Variants in ADCY4 observed in about 807,000 individuals in gnomAD.
ADCY4 encodes adenylate cyclase type 4.
ADCY4 carries 111 observed loss-of-function variants against 125.5 expected under a neutral mutation model. The observed-to-expected ratio is 0.88, with a 90% CI of 0.76 to 1.04. ADCY4 has a LOEUF of 1.04. Among genes scored for constraint, ADCY4 ranks in the 50% least tolerant of loss-of-function variants. The pLI, the probability that ADCY4 is intolerant of heterozygous loss-of-function variation, is 0.00. For missense variants in ADCY4, 1,256 were observed against 1,382.9 expected (o/e 0.91, Z 1.46); for synonymous variants, 576 against 586.9 (o/e 0.98, Z 0.27).
intron 17 of ADCY4, 97 bp from the exon 18 acceptor site, chr14:24,323,185 A>C (rs2041883389): frequency 2.4e-5 from 35 of 1,459,388 alleles, no homozygotes; most frequent in Non-Finnish European, 3.3e-5. Context: ...CCCAGGTCCT[A>C]TCTGGGAGAC....
At position 24,325,533 on chromosome 14, in the gene ADCY4, G is replaced by A. The variant is rs981326383; in HGVS notation, c.1726-59C>T. 20 of 1,460,396 alleles carry A rather than the reference G, an allele frequency of 1.4e-5. No individual in the cohort carries two copies. In the South Asian group the frequency reaches 1.9e-4, roughly 14 times the overall value. 90.5% of individuals were successfully genotyped at this position (1,460,396 alleles called of 1,614,324 possible). Reference sequence around the variant, plus strand: ...TCCAGTGCTACCCATCACCTTGAAGGCATCACTCCCAGGCAAGGGGTGGGC... The same window carrying A: ...TCCAGTGCTACCCATCACCTTGAAGACATCACTCCCAGGCAAGGGGTGGGC... On this transcript the variant is annotated intron_variant, in intron 13 of 24. Coordinates refer to ENST00000418030, the MANE Select transcript of ADCY4 (RefSeq NM_001198568.2).
chr14:24,325,576 C>T (rs2041929469), intron 13 of ADCY4, 102 bp from the exon 14 acceptor site: 3 of 1,087,632 alleles, frequency 2.8e-6, no homozygotes, highest in Non-Finnish European at 4.0e-6. Flanking sequence ...CCTCACCGCC[C>T]AGGCTCCAGT....
Position 24,318,699 on chromosome 14 carries a change from G to A in ADCY4, c.3036C>T (p.Asn1012=), listed in dbSNP as rs751597622. 33 of 1,614,028 alleles carry A rather than the reference G, an allele frequency of 2.0e-5. No individual in the cohort carries two copies. The highest frequency in any genetic ancestry group is 7.7e-5 in the South Asian group (7 of 91,086). ...CTGTACTCTCCATGCGGCTGGCCAC[G>A]TTCACTGTGTTGCCCCAAATGTCAT... ...PQYDIWGNTV[N]VASRMESTGV... is the part of the protein sequence containing the mutation. The change falls in exon 24 of 25, where the codon AAC becomes AAT. Residue 1012 remains asparagine, a synonymous_variant. Transcript: ENST00000418030.
Position 24,332,699 on chromosome 14 carries a change from G to T in ADCY4, c.358-16C>A. On this transcript the variant is annotated splice_polypyrimidine_tract_variant and intron_variant, in intron 2 of 24. Coordinates refer to ENST00000418030, the MANE Select transcript of ADCY4 (RefSeq NM_001198568.2). ...AATAGGACACCTGGGGGCGGGGCGC[G>T]GGAAGCCGAAGGCCCAAGTGGGGCT... 6.3e-7 allele frequency: 1 copy of T among 1,578,616 alleles called. No homozygotes were observed. The highest frequency in any genetic ancestry group is 8.6e-7 in the Non-Finnish European group (1 of 1,161,922).
chr14:24,334,633 G>C lies in ADCY4; in HGVS notation c.20C>G (p.Pro7Arg). The change falls in exon 1 of 25, where the codon CCC becomes CGC. Residue 7 changes from proline to arginine, a missense_variant. Physicochemically the swap from Pro to Arg is moderately radical, Grantham distance 103. Coordinates refer to ENST00000418030, the MANE Select transcript of ADCY4 (RefSeq NM_001198568.2). MARLFS[P>R]RPPPSEDLFY... is the part of the protein sequence containing the mutation. ...GAGGTCTTCGCTGGGGGGCGGCCGGGGGCTGAAGAGGCGGGCCATGATCTC... is the reference window on the plus strand; with the variant it reads ...GAGGTCTTCGCTGGGGGGCGGCCGGCGGCTGAAGAGGCGGGCCATGATCTC... The C allele has an allele frequency of 6.4e-7, 1 of 1,551,890 alleles. No individual in the cohort carries two copies. Among genetic ancestry groups the C allele is most frequent in the Non-Finnish European group, 8.7e-7 (1 of 1,150,718 alleles).
At chr14:24,331,414 T>C in intron 4 of ADCY4, 58 bp from the exon 5 acceptor site, 2 of 1,600,084 alleles carry the variant, frequency 1.2e-6, no homozygotes, top group Non-Finnish European at 8.5e-7. Context: ...GGAGGCCCTG[T>C]CCCCCAAATC....
rs1426351985 is a variant in ADCY4 at position 24,319,851 on chromosome 14, A to G, written c.2624T>C (p.Leu875Pro). The G allele has an allele frequency of 1.2e-6, 2 of 1,614,062 alleles. No homozygotes were observed. Among genetic ancestry groups the G allele is most frequent in the Non-Finnish European group, 1.7e-6 (2 of 1,180,024 alleles). ...YHQSYECVCV[L>P]FASVPDFKEF... Reference sequence around the variant, plus strand: ...CTTGAAGTCTGGGACTGAGGCGAAGAGGACACAAACGCATTCATAGGACTG... The same window carrying G: ...CTTGAAGTCTGGGACTGAGGCGAAGGGGACACAAACGCATTCATAGGACTG... The change falls in exon 21 of 25, where the codon CTC becomes CCC. Residue 875 changes from leucine (L) to proline (P), a missense_variant. Transcript: ENST00000418030. This position sits in a 1 kb window ranked among gnomAD's most constrained non-coding sequence, Gnocchi z 4.5.
intron 20 of ADCY4, among the ~76,000 whole-genome samples, chr14:24,321,247 C>A (rs1173236685): frequency 1.5e-5 from 1 of 67,948 alleles, no homozygotes; most frequent in Admixed American, 1.2e-4. Context: ...CCTGTCTCTA[C>A]TAAAAAAAAA....
chr14:24,323,281 G>C, intron 17 of ADCY4, 63 bp downstream of exon 17: 1 of 1,473,674 alleles, frequency 6.8e-7, no homozygotes, highest in Non-Finnish European at 9.3e-7. Flanking sequence ...CACTCAGGGG[G>C]CTGTGGGCTT....
Position 24,326,086 on chromosome 14 carries a change from A to G in ADCY4, c.1648T>C (p.Ser550Pro). ...KFFQVIEQLN[S>P]QKQWKQSKDF... ...CCTCTTTGTTCTCCGTACTTCTGCG[A>G]GTTGAGCTGCTCAATGACCTGGAAG... is the stretch of plus-strand genomic sequence containing the variant. Residue 550 changes from serine (S) to proline (P), a missense_variant, in exon 12 of 25, where the codon TCG becomes CCG. By Grantham distance (74) the Ser-to-Pro change is moderately conservative. Coordinates refer to ENST00000418030, the MANE Select transcript of ADCY4 (RefSeq NM_001198568.2). 6.3e-7 allele frequency: 1 copy of G among 1,579,186 alleles called. No individual in the cohort carries two copies. Among genetic ancestry groups the G allele is most frequent in the Non-Finnish European group, 8.6e-7 (1 of 1,160,544 alleles).
Position 24,319,328 on chromosome 14 carries a change from C to G in ADCY4, c.2841+1G>C. The G allele has an allele frequency of 6.2e-7, 1 of 1,614,098 alleles. No individual in the cohort carries two copies. The highest frequency in any genetic ancestry group is 8.5e-7 in the Non-Finnish European group (1 of 1,179,984). On this transcript the variant is annotated splice_donor_variant, in intron 22 of 24. Coordinates refer to ENST00000418030, the MANE Select transcript of ADCY4 (RefSeq NM_001198568.2). LOFTEE classifies it high-confidence loss of function. This position sits in a 1 kb window ranked among gnomAD's most constrained non-coding sequence, Gnocchi z 4.5. ...TGGTAGGTAAGGAAGGGTTGCCGTA[C>G]CTGTTGTGCATCCTGTCCAGAGGTG...
intron 8 of ADCY4, 113 bp downstream of exon 8, chr14:24,329,747 C>T: frequency 6.7e-7 from 1 of 1,495,130 alleles, no homozygotes; most frequent in Non-Finnish European, 9.0e-7. Flanking sequence ...CCATATGGGA[C>T]TTATCTTAAG....
chr14:24,323,943 C>T, intron 16 of ADCY4, 119 bp downstream of exon 16: 1 of 1,392,312 alleles, frequency 7.2e-7, no homozygotes, highest in Non-Finnish European at 9.7e-7. Flanking sequence ...ATTTGTACAA[C>T]ATTTCCAGCA....
Position 24,330,254 on chromosome 14 carries a change from G to T in ADCY4, c.972C>A (p.Tyr324Ter), listed in dbSNP as rs2042020490. 1 of 1,614,206 alleles carries T rather than the reference G, an allele frequency of 6.2e-7. No homozygotes were observed. Among genetic ancestry groups the T allele is most frequent in the Non-Finnish European group, 8.5e-7 (1 of 1,180,040 alleles). The change falls in exon 7 of 25, where the codon TAC (tyrosine) becomes TAA (stop). Residue 324 changes from tyrosine (Y) to a stop codon, truncating the protein, a stop_gained. Transcript: ENST00000418030. LOFTEE classifies it high-confidence loss of function. ...AGAGTGGCAGCCCAGAGACACAGTA[G>T]TAACAGTCCCCCAGGATCTTGATCC... is the stretch of plus-strand genomic sequence containing the variant. Reference protein sequence around the residue: ...CMRIKILGDCYYCVSGLPLSL... With the variant: ...CMRIKILGDC
At chr14:24,333,133 T>G in intron 1 of ADCY4, 145 bp from the exon 2 acceptor site, 1 of 719,218 alleles carries the variant, frequency 1.4e-6, no homozygotes, top group Non-Finnish European at 2.1e-6. Flanking sequence ...CACCTCCGCT[T>G]GCCATTCACT....
intron 17 of ADCY4, 37 bp from the exon 18 acceptor site, chr14:24,323,125 C>T: frequency 6.2e-7 from 1 of 1,602,854 alleles, no homozygotes; most frequent in Middle Eastern, 1.7e-4. Flanking sequence ...TGGGCATGTC[C>T]CATAGGCAGA....
chr14:24,329,980 CGCA>C lies in ADCY4; in HGVS notation c.1094_1096del (p.Met365_Arg366delinsSer). The C allele has an allele frequency of 6.2e-7, 1 of 1,614,110 alleles. No homozygotes were observed. Among genetic ancestry groups the C allele is most frequent in the Non-Finnish European group, 8.5e-7 (1 of 1,179,986 alleles). On this transcript the variant is annotated inframe_deletion, in exon 8 of 25. Transcript: ENST00000418030. Reference sequence around the variant, plus strand: ...TACGCTGCCTGAGTGCACGCCCACACGCATGTTGATGTCCACGCCAGTGGCTGC... The same window carrying C: ...TACGCTGCCTGAGTGCACGCCCACACTGTTGATGTCCACGCCAGTGGCTGC...
intron 13 of ADCY4, 125 bp downstream of exon 13, chr14:24,325,693 A>G: frequency 8.5e-7 from 1 of 1,171,508 alleles, no homozygotes; most frequent in Non-Finnish European, 1.2e-6. Context: ...AGAGAGGCAC[A>G]AGCTCCTCAC....
chr14:24,329,265 C>T, intron 9 of ADCY4, 31 bp from the exon 10 acceptor site: 1 of 1,607,810 alleles, frequency 6.2e-7, no homozygotes, highest in Non-Finnish European at 8.5e-7. Flanking sequence ...CAGTAAAGAC[C>T]ACAGACACTT....
Sources: allele counts gnomAD v4.1 joint callset (sites outside exome capture counted in the v4.1 genomes callset), GRCh38; gene constraint gnomAD v4.1.1; non-coding constraint Gnocchi (gnomAD v3.1); transcripts MANE v1.5; gene names NCBI Gene and HGNC (gene_info 2026-07-23, HGNC 2026-07-21).